The following OPCML variants were observed in gnomAD, a reference collection of about 807,000 sequenced individuals.
OPCML encodes the protein opioid-binding protein/cell adhesion molecule.
In OPCML, 13 loss-of-function variants were observed where a neutral mutation model predicts 37.8. The observed-to-expected ratio is 0.34, with a 90% CI of 0.22 to 0.55. The LOEUF is 0.55. OPCML is among the 20% of genes least tolerant of loss of function. OPCML has a pLI of 0.91. For missense variants in OPCML, 341 were observed against 435.6 expected (o/e 0.78, Z 1.93); for synonymous variants, 176 against 168.8 (o/e 1.04, Z -0.33).
intron 1 of OPCML, among the ~76,000 whole-genome samples, chr11:133,021,919 G>A (rs139701054): frequency 1.1e-3 from 174 of 152,286 alleles, no homozygotes; most frequent in African/African-American, 3.7e-3. Context: ...AGTCTTTAAG[G>A]GGCTGCTTTC....
chr11:133,431,570 A>G (rs1355660302), intron 1 of OPCML, among the ~76,000 whole-genome samples: 1 of 151,914 alleles, frequency 6.6e-6, no homozygotes, highest in Non-Finnish European at 1.5e-5. Flanking sequence ...GGTTCAAGAG[A>G]TTCTCCTCCA....
chr11:133,150,192 T>C (rs1949958001), intron 1 of OPCML, among the ~76,000 whole-genome samples: 1 of 152,220 alleles, frequency 6.6e-6, no homozygotes, highest in Non-Finnish European at 1.5e-5. Context: ...TCCAGATATA[T>C]CAGGTGCCCA....
At chr11:133,527,574 G>A (rs572845410) in intron 1 of OPCML, among the ~76,000 whole-genome samples, 1 of 152,224 alleles carries the variant, frequency 6.6e-6, no homozygotes, top group Non-Finnish European at 1.5e-5. Flanking sequence ...TTAACAATAT[G>A]GAATGTCCTC....
At chr11:133,017,409 T>A (rs1179131603) in intron 1 of OPCML, among the ~76,000 whole-genome samples, 6 of 152,110 alleles carry the variant, frequency 3.9e-5, no homozygotes, top group African/African-American at 9.7e-5. Flanking sequence ...TATTTATTTT[T>A]TTTTTTGAGA....
At chr11:132,673,026 A>G (rs1942544972) in intron 2 of OPCML, among the ~76,000 whole-genome samples, 1 of 152,214 alleles carries the variant, frequency 6.6e-6, no homozygotes, top group Non-Finnish European at 1.5e-5. Flanking sequence ...AGCTTAAAAA[A>G]AAATCCTAAC....
At chr11:132,557,334 G>A (rs1461388137) in intron 3 of OPCML, among the ~76,000 whole-genome samples, 1 of 152,170 alleles carries the variant, frequency 6.6e-6, no homozygotes, top group Non-Finnish European at 1.5e-5. Context: ...TTAGAAATAA[G>A]TGAAAGAGGT....
chr11:132,491,272 C>G (rs2096214760), intron 4 of OPCML, among the ~76,000 whole-genome samples: 1 of 152,258 alleles, frequency 6.6e-6, no homozygotes. Flanking sequence ...AAAGCACTTA[C>G]AGCTTCCCAA....
intron 2 of OPCML, among the ~76,000 whole-genome samples, chr11:132,748,956 T>C (rs1591552673): frequency 6.6e-6 from 1 of 152,206 alleles, no homozygotes; most frequent in Non-Finnish European, 1.5e-5. Context: ...TATTGAGTGT[T>C]TTATGGATTG....
chr11:132,831,909 C>T (rs1462638449), intron 2 of OPCML, among the ~76,000 whole-genome samples: 1 of 151,996 alleles, frequency 6.6e-6, no homozygotes, highest in Non-Finnish European at 1.5e-5. Context: ...CCCAGTGCAC[C>T]TCCTGTCTTC....
At chr11:132,538,031 T>C (rs1279227254) in intron 3 of OPCML, among the ~76,000 whole-genome samples, 1 of 152,162 alleles carries the variant, frequency 6.6e-6, no homozygotes, top group Non-Finnish European at 1.5e-5. Flanking sequence ...ATATAAAGTA[T>C]CCTATGGATC....
chr11:132,900,359 C>G (rs1286361194), intron 2 of OPCML, among the ~76,000 whole-genome samples: 1 of 152,124 alleles, frequency 6.6e-6, no homozygotes, highest in Non-Finnish European at 1.5e-5. Context: ...AAGGGTCTTT[C>G]AAATCTGTGT....
chr11:132,441,944 C>T (rs1008228134), intron 4 of OPCML, among the ~76,000 whole-genome samples: 1 of 152,088 alleles, frequency 6.6e-6, no homozygotes, highest in Non-Finnish European at 1.5e-5. Context: ...ATGAAACATC[C>T]ACAAGCAGGG....
intron 1 of OPCML, among the ~76,000 whole-genome samples, chr11:133,070,653 A>G (rs750778321): frequency 1.3e-4 from 20 of 152,208 alleles, no homozygotes; most frequent in Non-Finnish European, 2.9e-4. Flanking sequence ...GAATGCATAA[A>G]TCCAAGTTGT....
chr11:132,796,357 A>C, intron 2 of OPCML, among the ~76,000 whole-genome samples: 1 of 152,088 alleles, frequency 6.6e-6, no homozygotes, highest in East Asian at 1.9e-4. Context: ...ACATTTGCGC[A>C]TAAGTTTTTG....
intron 1 of OPCML, chr11:133,025,438 T>C: frequency 2.0e-6 from 2 of 985,448 alleles, no homozygotes; most frequent in Non-Finnish European, 2.4e-6. Flanking sequence ...TTTGGGTAAC[T>C]GTATTGAAGA....
chr11:132,654,341 AAAGAGAAGCTTCTCCCC>A (rs1941585322), intron 3 of OPCML, among the ~76,000 whole-genome samples: 1 of 151,916 alleles, frequency 6.6e-6, no homozygotes, highest in South Asian at 2.1e-4. Flanking sequence ...AGATCTTCCC[AAAGAGAAGCTTCTCCCC>A]AAGAGAACGT....
chr11:133,112,009 G>T (rs1213410020), intron 1 of OPCML, among the ~76,000 whole-genome samples: 1 of 152,088 alleles, frequency 6.6e-6, no homozygotes, highest in African/African-American at 2.4e-5. Flanking sequence ...GACACTGGAT[G>T]GGGGAAATTG....
At chr11:132,539,916 G>A (rs1156737086) in intron 3 of OPCML, among the ~76,000 whole-genome samples, 3 of 152,044 alleles carry the variant, frequency 2.0e-5, no homozygotes, top group Non-Finnish European at 2.9e-5. Context: ...TGATGATGAC[G>A]ATAGTGGTGA....
At chr11:132,528,713 C>G (rs1591510909) in intron 4 of OPCML, among the ~76,000 whole-genome samples, 1 of 152,186 alleles carries the variant, frequency 6.6e-6, no homozygotes, top group African/African-American at 2.4e-5. Flanking sequence ...CATGGCCACG[C>G]TAATACTCTT....
Sources: allele counts gnomAD v4.1 joint callset (sites outside exome capture counted in the v4.1 genomes callset), GRCh38; gene constraint gnomAD v4.1.1; transcripts MANE v1.5; gene names NCBI Gene and HGNC (gene_info 2026-07-23, HGNC 2026-07-21).